Variants in TESK2 observed in about 807,000 individuals in gnomAD.
The protein encoded by TESK2 is dual specificity testis-specific protein kinase 2.
A neutral mutation model predicts 57.1 loss-of-function variants in TESK2; 39 were observed. The observed-to-expected ratio is 0.68, with a 90% CI of 0.53 to 0.89. TESK2 has a LOEUF of 0.89. Ranked by LOEUF, TESK2 falls within the 40% of genes least tolerant of loss-of-function variation. The pLI, the probability that TESK2 is intolerant of heterozygous loss-of-function variation, is 0.00. For synonymous variants in TESK2, 249 were observed against 267.9 expected (o/e 0.93, Z 0.69); for missense variants, 646 against 732.1 (o/e 0.88, Z 1.36).
At chr1:45,349,805 T>G (rs547280743) in intron 5 of TESK2, among the ~76,000 whole-genome samples, 2 of 152,218 alleles carry the variant, frequency 1.3e-5, no homozygotes, top group Non-Finnish European at 2.9e-5. Flanking sequence ...GTGTGTTAAA[T>G]GAAAGTTTAG....
At chr1:45,349,300 G>C (rs1219764630) in intron 5 of TESK2, among the ~76,000 whole-genome samples, 2 of 152,174 alleles carry the variant, frequency 1.3e-5, no homozygotes, top group South Asian at 4.1e-4. Context: ...CTGGATCACA[G>C]GTAGACATGC....
At chr1:45,372,984 C>T (rs1345431526) in intron 4 of TESK2, among the ~76,000 whole-genome samples, 2 of 146,480 alleles carry the variant, frequency 1.4e-5, no homozygotes, top group East Asian at 2.0e-4. Context: ...GCCGAGATCA[C>T]GCCATTGCAC....
intron 4 of TESK2, among the ~76,000 whole-genome samples, chr1:45,369,781 A>G (rs902715040): frequency 6.6e-6 from 1 of 150,976 alleles, no homozygotes; most frequent in Admixed American, 6.6e-5. Context: ...GTACAATCTC[A>G]GCTCACTGCA....
intron 1 of TESK2, among the ~76,000 whole-genome samples, chr1:45,483,103 C>A (rs991328054): frequency 2.7e-5 from 4 of 149,614 alleles, no homozygotes; most frequent in Non-Finnish European, 4.4e-5. Context: ...CACGGCGAAA[C>A]CCCATCTCTA....
intron 4 of TESK2, among the ~76,000 whole-genome samples, chr1:45,362,209 G>A (rs1269258124): frequency 6.6e-6 from 1 of 152,182 alleles, no homozygotes; most frequent in African/African-American, 2.4e-5. Context: ...AAGCTACCCA[G>A]TCTATGATAT....
intron 1 of TESK2, among the ~76,000 whole-genome samples, chr1:45,476,639 A>T (rs1267438940): frequency 2.6e-5 from 4 of 151,740 alleles, no homozygotes; most frequent in East Asian, 2.0e-4. Flanking sequence ...CAAGGTCAGG[A>T]GATCAAGGCC....
At chr1:45,375,977 T>G (rs1380591833) in intron 4 of TESK2, among the ~76,000 whole-genome samples, 7 of 152,154 alleles carry the variant, frequency 4.6e-5, no homozygotes, top group African/African-American at 1.7e-4. Context: ...CAACCTCAAA[T>G]TCTTGTTTCT....
chr1:45,359,195 C>T (rs1158576662), intron 4 of TESK2, among the ~76,000 whole-genome samples: 1 of 152,240 alleles, frequency 6.6e-6, no homozygotes, highest in African/African-American at 2.4e-5. Context: ...TTTCACTTTT[C>T]TCAACTATAA....
intron 3 of TESK2, among the ~76,000 whole-genome samples, chr1:45,409,907 G>A (rs1649975588): frequency 6.6e-6 from 1 of 152,170 alleles, no homozygotes; most frequent in African/African-American, 2.4e-5. Flanking sequence ...GCTCACACCT[G>A]TAATACCAGC....
intron 3 of TESK2, among the ~76,000 whole-genome samples, chr1:45,391,868 G>A (rs1420622868): frequency 6.6e-6 from 1 of 152,074 alleles, no homozygotes; most frequent in Admixed American, 6.6e-5. Flanking sequence ...GCTTTGATTT[G>A]AATCCTGGCT....
chr1:45,346,596 C>G lies in TESK2; in HGVS notation c.879+97G>C, dbSNP rs909602590. Reference sequence around the variant, plus strand: ...TGTCACTACAGTGAAAATGAGGTCCCTCATGAAGCTAATTAGCAGCCTCTC... The same window carrying G: ...TGTCACTACAGTGAAAATGAGGTCCGTCATGAAGCTAATTAGCAGCCTCTC... On this transcript the variant is annotated intron_variant, in intron 9 of 10. Coordinates refer to ENST00000372086, the MANE Select transcript of TESK2 (RefSeq NM_007170.3). 3.0e-6 allele frequency: 3 copies of G among 1,016,542 alleles called. No individual in the cohort carries two copies. The Admixed American group carries it at 6.3e-5, about 21-fold the overall frequency. 63.0% of individuals were successfully genotyped at this position (1,016,542 alleles called of 1,614,324 possible). A position where few individuals can be genotyped will look rare whatever the true frequency, so the allele number is the denominator to read the frequency against.
intron 3 of TESK2, among the ~76,000 whole-genome samples, chr1:45,405,379 T>C (rs1161077335): frequency 6.6e-6 from 1 of 152,034 alleles, no homozygotes; most frequent in Non-Finnish European, 1.5e-5. Flanking sequence ...TGTATGGTGG[T>C]TTGAAATAAA....
intron 3 of TESK2, among the ~76,000 whole-genome samples, chr1:45,414,244 A>T (rs551950221): frequency 1.8e-3 from 270 of 152,350 alleles, no homozygotes; most frequent in African/African-American, 6.3e-3. Flanking sequence ...AGCTTCTTTT[A>T]AAAAGTAATC....
chr1:45,400,247 G>A (rs1008730788), intron 3 of TESK2, among the ~76,000 whole-genome samples: 4 of 152,132 alleles, frequency 2.6e-5, no homozygotes, highest in Non-Finnish European at 5.9e-5. Flanking sequence ...GTTTGAAGAC[G>A]GAAGGGGTCT....
chr1:45,462,241 T>C (rs545097522), intron 1 of TESK2, among the ~76,000 whole-genome samples: 5 of 152,238 alleles, frequency 3.3e-5, no homozygotes, highest in African/African-American at 7.2e-5. Context: ...TGTCCTCAAG[T>C]TCCATCCATG....
chr1:45,417,826 C>T (rs553288599), intron 3 of TESK2, among the ~76,000 whole-genome samples: 5 of 152,168 alleles, frequency 3.3e-5, no homozygotes, highest in Admixed American at 6.5e-5. Context: ...CTCCTGACCT[C>T]GTGATCCGCC....
intron 1 of TESK2, among the ~76,000 whole-genome samples, chr1:45,489,587 C>T (rs1166830789): frequency 6.6e-6 from 1 of 152,172 alleles, no homozygotes; most frequent in Non-Finnish European, 1.5e-5. Context: ...GTCAGACGTT[C>T]GAAACCAGCC....
chr1:45,420,662 G>T (rs1035134132), intron 3 of TESK2, among the ~76,000 whole-genome samples: 1 of 151,424 alleles, frequency 6.6e-6, no homozygotes, highest in African/African-American at 2.4e-5. Flanking sequence ...GTTCCCAGGG[G>T]GAACCTCCAC....
rs370243637 is a variant in TESK2, at chr1:45,345,043, G to C, written c.1513C>G (p.Pro505Ala). 2.5e-6 allele frequency: 4 copies of C among 1,614,140 alleles called. No individual in the cohort carries two copies. The highest frequency in any genetic ancestry group is 1.7e-5 in the Admixed American group (1 of 60,014). The change falls in exon 11 of 11, where the codon CCA (proline) becomes GCA (alanine). Residue 505 changes from proline to alanine, a missense_variant. Transcript: ENST00000372086. ...ATAGCCTCATGGGCTTGAGCAGCTGGTAGGGCAGATGCCCGGAATGGTGGG... is the reference window on the plus strand; with the variant it reads ...ATAGCCTCATGGGCTTGAGCAGCTGCTAGGGCAGATGCCCGGAATGGTGGG... The part of the protein sequence containing the change: ...EIPPFRASAL[P>A]AAQAHEAMDC...
Sources: gnomAD v4.1 joint callset for allele counts (sites outside exome capture counted in the v4.1 genomes callset) on GRCh38, gnomAD v4.1.1 for gene constraint, MANE v1.5 for transcripts, NCBI Gene and HGNC (gene_info 2026-07-23, HGNC 2026-07-21) for gene names.